The following KIRREL1 variants were observed in gnomAD, a reference collection of about 807,000 sequenced individuals.
KIRREL1 encodes kin of IRRE-like protein 1.
A neutral mutation model predicts 83.3 loss-of-function variants in KIRREL1; 25 were observed. The ratio of observed to expected loss-of-function variants is 0.30; its 90% CI spans 0.22 to 0.42. The LOEUF is 0.42. Ranked by LOEUF, KIRREL1 falls within the 10% of genes least tolerant of loss-of-function variation. KIRREL1 has a pLI of 1.00. For missense variants in KIRREL1, 812 were observed against 1,032.3 expected (o/e 0.79, Z 2.92); for synonymous variants, 388 against 410.4 (o/e 0.95, Z 0.66).
At chr1:158,031,688 G>A (rs1057116096) in intron 1 of KIRREL1, among the ~76,000 whole-genome samples, 3 of 152,250 alleles carry the variant, frequency 2.0e-5, no homozygotes, top group Admixed American at 2.0e-4. Flanking sequence ...CCCCTGTGGG[G>A]AGAGTGGGAA....
At chr1:158,014,359 T>C (rs1360264735) in intron 1 of KIRREL1, among the ~76,000 whole-genome samples, 2 of 151,928 alleles carry the variant, frequency 1.3e-5, no homozygotes, top group Non-Finnish European at 2.9e-5. Flanking sequence ...GAAAACCCAA[T>C]AGGGGTAAAT....
chr1:158,022,415 G>T (rs1450481774), intron 1 of KIRREL1, among the ~76,000 whole-genome samples: 1 of 152,200 alleles, frequency 6.6e-6, no homozygotes, highest in Admixed American at 6.5e-5. Flanking sequence ...TCAGAGAAGG[G>T]ATGCAAACTG....
rs905438082 is a variant in KIRREL1 at position 158,090,166 on chromosome 1, C to T, written c.1272+348C>T. On this transcript the variant is annotated intron_variant, in intron 10 of 14. Coordinates refer to ENST00000359209, the MANE Select transcript of KIRREL1 (RefSeq NM_018240.7). Reference sequence around the variant, plus strand: ...ATTCATGTTAGTTCCCCACTCTCTCCCCTGGGCTAACACTTCCCCTCTTTT... The same window carrying T: ...ATTCATGTTAGTTCCCCACTCTCTCTCCTGGGCTAACACTTCCCCTCTTTT... 7.9e-5 allele frequency among the ~76,000 whole-genome samples: 12 copies of T among 152,182 alleles called. No homozygotes were observed. The East Asian group carries it at 2.3e-3, about 29-fold the overall frequency.
At chr1:158,077,140 A>T (rs537696434) in intron 2 of KIRREL1, among the ~76,000 whole-genome samples, 50 of 152,318 alleles carry the variant, frequency 3.3e-4, no homozygotes, top group African/African-American at 1.2e-3. Context: ...GATGGGCTGT[A>T]TATTTTTATT....
intron 12 of KIRREL1, 64 bp downstream of exon 12, chr1:158,093,510 T>C: frequency 6.2e-6 from 10 of 1,603,396 alleles, no homozygotes; most frequent in Non-Finnish European, 7.7e-6. Context: ...TGACAGGCAG[T>C]GCTTGGGGTG....
chr1:158,066,870 C>T (rs887571097), intron 1 of KIRREL1, among the ~76,000 whole-genome samples: 3 of 152,202 alleles, frequency 2.0e-5, no homozygotes, highest in African/African-American at 7.2e-5. Flanking sequence ...ACCTCCCTTC[C>T]CTTGCCCACT....
rs928681418 is a variant in KIRREL1 at position 158,024,403 on chromosome 1, C to T, written c.52+30675C>T. 2.6e-5 allele frequency among the ~76,000 whole-genome samples: 4 copies of T among 151,118 alleles called. No individual in the cohort carries two copies. In the Admixed American group the frequency reaches 2.6e-4, roughly 10 times the overall value. Reference sequence around the variant, plus strand: ...CAGCTATTTTCCTGCCTCGACCTCCCTAGTAGCTGGGACTATAGGTGTGTG... The same window carrying T: ...CAGCTATTTTCCTGCCTCGACCTCCTTAGTAGCTGGGACTATAGGTGTGTG... On this transcript the variant is annotated intron_variant, in intron 1 of 14. Coordinates refer to ENST00000359209, the MANE Select transcript of KIRREL1 (RefSeq NM_018240.7).
At chr1:158,093,503 C>G in intron 12 of KIRREL1, 57 bp downstream of exon 12, 1 of 1,603,710 alleles carries the variant, frequency 6.2e-7, no homozygotes, top group Non-Finnish European at 8.5e-7. Flanking sequence ...AGGGCCATGA[C>G]AGGCAGTGCT....
intron 8 of KIRREL1, among the ~76,000 whole-genome samples, 165 bp downstream of exon 8, chr1:158,088,619 G>T (rs1296638223): frequency 1.3e-5 from 2 of 151,066 alleles, no homozygotes; most frequent in African/African-American, 4.9e-5. Flanking sequence ...CGAGTAGCTG[G>T]GACTACAGGC....
At chr1:158,051,436 A>G (rs1660907205) in intron 1 of KIRREL1, among the ~76,000 whole-genome samples, 1 of 152,250 alleles carries the variant, frequency 6.6e-6, no homozygotes, top group Non-Finnish European at 1.5e-5. Context: ...TATTGAAATA[A>G]TAACAGTGGC....
At chr1:158,045,607 TCACC>T (rs781649525) in intron 1 of KIRREL1, among the ~76,000 whole-genome samples, 10 of 152,238 alleles carry the variant, frequency 6.6e-5, no homozygotes, top group Non-Finnish European at 1.0e-4. Flanking sequence ...TCAAGACGTT[TCACC>T]CACCCTGCAC....
chr1:158,061,462 A>G (rs1440011392), intron 1 of KIRREL1, among the ~76,000 whole-genome samples: 1 of 152,198 alleles, frequency 6.6e-6, no homozygotes, highest in Non-Finnish European at 1.5e-5. Flanking sequence ...GGAGTGAAAG[A>G]GTGTGAGAGA....
intron 1 of KIRREL1, among the ~76,000 whole-genome samples, chr1:158,008,740 G>A (rs886064631): frequency 2.0e-5 from 3 of 152,138 alleles, no homozygotes; most frequent in African/African-American, 7.2e-5. Flanking sequence ...GTTTCACAGT[G>A]TGCTCATCAT....
In KIRREL1 at chr1:158,021,387, G is replaced by A. The variant is rs558335446; in HGVS notation, c.52+27659G>A. On this transcript the variant is annotated intron_variant, in intron 1 of 14. Coordinates refer to ENST00000359209, the MANE Select transcript of KIRREL1 (RefSeq NM_018240.7). ...AATTCAGTCAGCTGGTGAAAGTATC[G>A]TGGTATTATGGAAGGAGCCCTGTTT... 2.8e-4 allele frequency among the ~76,000 whole-genome samples: 42 copies of A among 152,250 alleles called. 1 individual carries two copies. The highest frequency in any genetic ancestry group is 1.2e-3 in the Admixed American group (18 of 15,296).
At chr1:158,057,773 A>G (rs1661104311) in intron 1 of KIRREL1, among the ~76,000 whole-genome samples, 1 of 152,190 alleles carries the variant, frequency 6.6e-6, no homozygotes, top group South Asian at 2.1e-4. Flanking sequence ...TAGGTAAAAT[A>G]ATATTAATTT....
Position 158,041,614 on chromosome 1 carries a change from C to A in KIRREL1, c.53-34499C>A, listed in dbSNP as rs1177371090. 3.9e-5 allele frequency among the ~76,000 whole-genome samples: 6 copies of A among 152,302 alleles called. No individual in the cohort carries two copies. In the South Asian group the frequency reaches 1.2e-3, roughly 32 times the overall value. On this transcript the variant is annotated intron_variant, in intron 1 of 14. Transcript: ENST00000359209. ...GCCTCACTTCTCCTTATCTTAGAAC[C>A]TAACCCAGAGGGAATCACTTCTCTC...
chr1:158,018,419 C>CAG (rs1246358444), intron 1 of KIRREL1, among the ~76,000 whole-genome samples: 4 of 152,116 alleles, frequency 2.6e-5, no homozygotes, highest in African/African-American at 9.7e-5. Context: ...CCGGGAGAGA[C>CAG]CTGTGGGCAG....
intron 1 of KIRREL1, among the ~76,000 whole-genome samples, chr1:158,043,345 G>C (rs1660692241): frequency 6.6e-6 from 1 of 152,138 alleles, no homozygotes; most frequent in Admixed American, 6.5e-5. Context: ...AGTGGCGTAA[G>C]AATCCTGACC....
At chr1:158,032,192 T>C (rs1371669049) in intron 1 of KIRREL1, among the ~76,000 whole-genome samples, 1 of 152,116 alleles carries the variant, frequency 6.6e-6, no homozygotes, top group Non-Finnish European at 1.5e-5. Flanking sequence ...TGGGGACTGG[T>C]GTCCATGGGG....
Sources: gnomAD v4.1 joint callset for allele counts (sites outside exome capture counted in the v4.1 genomes callset) on GRCh38, gnomAD v4.1.1 for gene constraint, MANE v1.5 for transcripts, NCBI Gene and HGNC (gene_info 2026-07-23, HGNC 2026-07-21) for gene names.